The following HACE1 variants were observed in gnomAD, a reference collection of about 807,000 sequenced individuals.
HACE1 encodes E3 ubiquitin-protein ligase HACE1.
HACE1 carries 73 observed loss-of-function variants against 118.4 expected under a neutral mutation model. The observed-to-expected ratio is 0.62, with a 90% CI of 0.51 to 0.75. The LOEUF is 0.75. Ranked by LOEUF, HACE1 falls within the 30% of genes least tolerant of loss-of-function variation. HACE1 has a pLI of 0.00. For synonymous variants in HACE1, 368 were observed against 374.8 expected (o/e 0.98, Z 0.21); for missense variants, 749 against 1,102.2 (o/e 0.68, Z 4.54).
chr6:104,757,817 G>A (rs1252158487), intron 19 of HACE1, among the ~76,000 whole-genome samples: 1 of 152,128 alleles, frequency 6.6e-6, no homozygotes, highest in African/African-American at 2.4e-5. Context: ...TAAACGAATG[G>A]CTAACTAGAA....
chr6:104,729,834 G>T (rs1170938734), intron 23 of HACE1, 70 bp from the exon 24 acceptor site: 3 of 760,136 alleles, frequency 3.9e-6, no homozygotes, highest in African/African-American at 1.7e-5. Context: ...GCCTAGCAGT[G>T]AAAACACTAC....
intron 6 of HACE1, among the ~76,000 whole-genome samples, chr6:104,822,565 A>T (rs1315667165): frequency 1.3e-5 from 2 of 149,706 alleles, no homozygotes; most frequent in African/African-American, 4.9e-5. Context: ...AATAAAAAAT[A>T]AAAAAAGTAG....
At chr6:104,819,488 C>T (rs558882344) in intron 6 of HACE1, among the ~76,000 whole-genome samples, 3 of 152,238 alleles carry the variant, frequency 2.0e-5, no homozygotes, top group South Asian at 4.2e-4. Flanking sequence ...AGATTCAATG[C>T]TATTCCTATT....
chr6:104,747,186 A>G (rs879565877), intron 20 of HACE1, among the ~76,000 whole-genome samples: 1 of 152,210 alleles, frequency 6.6e-6, no homozygotes, highest in Non-Finnish European at 1.5e-5. Context: ...TGTAAGGTAT[A>G]TAACTCATAC....
chr6:104,811,213 T>C (rs1771557283), intron 7 of HACE1, 98 bp downstream of exon 7: 1 of 242,568 alleles, frequency 4.1e-6, no homozygotes, highest in Non-Finnish European at 7.6e-6. Flanking sequence ...GAGTATTATA[T>C]ACATCTGGAA....
At position 104,852,228 on chromosome 6, in the gene HACE1, T is replaced by TGTGTGTGTGC. The variant is rs142463116; in HGVS notation, c.131+88_131+89insGCACACACAC. On this transcript the variant is annotated intron_variant, in intron 2 of 23. Transcript: ENST00000262903. ...GTGTGTGTGTGTGTGTGTGTGTGTG[T>TGTGTGTGTGC]GCGCGCGTGCGCGTGCACGGGCATG... is the stretch of plus-strand genomic sequence containing the variant. The TGTGTGTGTGC allele has an allele frequency of 2.0e-3, 1,303 of 660,804 alleles. 7 individuals are homozygous for TGTGTGTGTGC. The African/African-American group carries it at 0.024, about 12-fold the overall frequency. The allele number at this position is 660,804 out of a possible 1,614,324, so 40.9% of individuals were successfully genotyped here. A position where few individuals can be genotyped will look rare whatever the true frequency, so the allele number is the denominator to read the frequency against.
At chr6:104,798,588 G>A (rs961655321) in intron 7 of HACE1, among the ~76,000 whole-genome samples, 1 of 151,944 alleles carries the variant, frequency 6.6e-6, no homozygotes, top group African/African-American at 2.4e-5. Flanking sequence ...CAATCCCTTT[G>A]AAAGCAACAA....
At chr6:104,792,435 C>T (rs74907990) in intron 10 of HACE1, among the ~76,000 whole-genome samples, 3,571 of 152,200 alleles carry the variant, frequency 0.023, 159 homozygotes, top group African/African-American at 0.082. Context: ...AAAAACTGTA[C>T]GAGTTAGGCT....
intron 7 of HACE1, among the ~76,000 whole-genome samples, chr6:104,801,735 G>T (rs1257412582): frequency 6.6e-6 from 1 of 151,974 alleles, no homozygotes; most frequent in Non-Finnish European, 1.5e-5. Context: ...AACATGGAAA[G>T]GTACCAGCCA....
intron 3 of HACE1, 75 bp downstream of exon 3, chr6:104,850,832 G>T: frequency 2.2e-6 from 2 of 909,092 alleles, no homozygotes; most frequent in Non-Finnish European, 3.7e-6. Context: ...CAGAAATATT[G>T]TGTGATAATG....
At chr6:104,734,089 G>A (rs1473123336) in intron 22 of HACE1, among the ~76,000 whole-genome samples, 3 of 140,484 alleles carry the variant, frequency 2.1e-5, no homozygotes, top group African/African-American at 5.5e-5. Flanking sequence ...GGAGGCGGGG[G>A]TTGCAGTGAG....
Position 104,750,965 on chromosome 6 carries a change from C to G in HACE1, c.2212-493G>C, listed in dbSNP as rs182376798. ...TCCGGCAGCTCTCTTGCTCAAAACC[C>G]TATAATGACTTCTCATGACATCTGG... On this transcript the variant is annotated intron_variant, in intron 19 of 23. Transcript: ENST00000262903. 2.7e-3 allele frequency among the ~76,000 whole-genome samples: 412 copies of G among 152,332 alleles called. 1 individual carries two copies. Among genetic ancestry groups the G allele is most frequent in the South Asian group, 0.011 (54 of 4,822 alleles).
chr6:104,856,500 T>A (rs1331146151), intron 1 of HACE1, among the ~76,000 whole-genome samples: 1 of 151,994 alleles, frequency 6.6e-6, no homozygotes, highest in African/African-American at 2.4e-5. Flanking sequence ...AGTGGCGCGA[T>A]CTTGGCTCAC....
At chr6:104,738,536 G>A (rs1457671877) in intron 22 of HACE1, among the ~76,000 whole-genome samples, 1 of 149,998 alleles carries the variant, frequency 6.7e-6, no homozygotes, top group African/African-American at 2.5e-5. Flanking sequence ...AGCCTCAGGA[G>A]CTGATGTGAT....
rs924806616 is a variant in HACE1 at position 104,852,378 on chromosome 6, A to T, written c.77-7T>A. On this transcript the variant is annotated splice_polypyrimidine_tract_variant and splice_region_variant and intron_variant, in intron 1 of 23. Coordinates refer to ENST00000262903, the MANE Select transcript of HACE1 (RefSeq NM_020771.4). ...TAAACAGCAGTTTCATTATCTGAGT[A>T]AAAAAAAACAAAGAGTTCATTTATC... is the stretch of plus-strand genomic sequence containing the variant. 1.3e-5 allele frequency: 18 copies of T among 1,426,736 alleles called. No homozygotes were observed. The highest frequency in any genetic ancestry group is 1.7e-5 in the African/African-American group (1 of 57,892). 88.4% of individuals were successfully genotyped at this position (1,426,736 alleles called of 1,614,324 possible).
intron 20 of HACE1, among the ~76,000 whole-genome samples, chr6:104,748,167 G>A (rs980552151): frequency 4.6e-5 from 7 of 151,328 alleles, no homozygotes; most frequent in Non-Finnish European, 8.8e-5. Flanking sequence ...AAAGACCTGA[G>A]TAGAAAATAT....
At chr6:104,787,007 C>A (rs1182088874) in intron 11 of HACE1, 1 of 152,174 alleles carries the variant, frequency 6.6e-6, no homozygotes. Flanking sequence ...ACCTTCACTG[C>A]CACTTTCAGC....
chr6:104,801,248 A>C (rs2114908266), intron 7 of HACE1, among the ~76,000 whole-genome samples: 1 of 152,340 alleles, frequency 6.6e-6, no homozygotes, highest in Non-Finnish European at 1.5e-5. Flanking sequence ...TGATTGGTGT[A>C]CCTGAAAGTG....
At chr6:104,790,260 C>G (rs931727224) in intron 11 of HACE1, among the ~76,000 whole-genome samples, 8 of 152,142 alleles carry the variant, frequency 5.3e-5, no homozygotes, top group Admixed American at 3.9e-4. Context: ...AAAGTTCTTG[C>G]AAACTTTATT....
Sources: allele counts gnomAD v4.1 joint callset (sites outside exome capture counted in the v4.1 genomes callset), GRCh38; gene constraint gnomAD v4.1.1; transcripts MANE v1.5; gene names NCBI Gene and HGNC (gene_info 2026-07-23, HGNC 2026-07-21).